The following ARSB variants were observed in gnomAD, a reference collection of about 807,000 sequenced individuals.
ARSB encodes the protein N-acetylgalactosamine-4-sulfatase.
In ARSB, 41 loss-of-function variants were observed where a neutral mutation model predicts 50.9. The observed-to-expected ratio is 0.81, with a 90% confidence interval of 0.63 to 1.04. ARSB has a LOEUF of 1.04. Ranked by LOEUF, ARSB falls within the 50% of genes least tolerant of loss-of-function variation. ARSB has a pLI of 0.00. For missense variants in ARSB, 672 were observed against 693.3 expected (o/e 0.97, Z 0.35); for synonymous variants, 269 against 284.8 (o/e 0.94, Z 0.56).
At chr5:78,862,756 G>C (rs12656053) in intron 5 of ARSB, among the ~76,000 whole-genome samples, 18,984 of 152,092 alleles carry the variant, frequency 0.12, 1,464 homozygotes, top group Non-Finnish European at 0.17. Flanking sequence ...AGACAAATGG[G>C]ATCTAATTAA....
intron 6 of ARSB, among the ~76,000 whole-genome samples, chr5:78,829,264 T>C (rs1383580995): frequency 6.6e-6 from 1 of 152,264 alleles, no homozygotes; most frequent in Non-Finnish European, 1.5e-5. Context: ...GAGTTTATGG[T>C]AATTTGTTTG....
chr5:78,935,929 CT>C (rs1750562606), intron 4 of ARSB, among the ~76,000 whole-genome samples: 1 of 102,488 alleles, frequency 9.8e-6, no homozygotes. Context: ...CTCCCCTCTC[CT>C]CCACTCCCCT....
At chr5:78,921,541 G>A (rs574266070) in intron 4 of ARSB, among the ~76,000 whole-genome samples, 23 of 152,198 alleles carry the variant, frequency 1.5e-4, no homozygotes, top group African/African-American at 5.5e-4. Flanking sequence ...TTAATTTCAC[G>A]TGTTTCTTTT....
At chr5:78,952,228 A>G (rs2112473828) in intron 4 of ARSB, among the ~76,000 whole-genome samples, 1 of 152,326 alleles carries the variant, frequency 6.6e-6, no homozygotes, top group African/African-American at 2.4e-5. Flanking sequence ...TTATACATAC[A>G]CATTTGCAAT....
At chr5:78,817,385 T>G (rs1053261548) in intron 6 of ARSB, among the ~76,000 whole-genome samples, 1 of 152,162 alleles carries the variant, frequency 6.6e-6, no homozygotes, top group Admixed American at 6.5e-5. Context: ...GGCTTCAACA[T>G]AAGCAAATAG....
chr5:78,808,243 C>T (rs1743657426), intron 6 of ARSB, among the ~76,000 whole-genome samples: 1 of 151,912 alleles, frequency 6.6e-6, no homozygotes, highest in Non-Finnish European at 1.5e-5. Flanking sequence ...CCCCCTCCTC[C>T]CCATATTATT....
chr5:78,925,549 A>C (rs77857471), intron 4 of ARSB, among the ~76,000 whole-genome samples: 2,327 of 146,234 alleles, frequency 0.016, 56 homozygotes, highest in African/African-American at 0.052. Context: ...CAGTTCTATA[A>C]ATTTTTATAA....
chr5:78,789,751 A>G (rs922893152), intron 6 of ARSB, among the ~76,000 whole-genome samples: 2 of 152,234 alleles, frequency 1.3e-5, no homozygotes, highest in Non-Finnish European at 1.5e-5. Context: ...TTTAGCAAAC[A>G]TAATACAGAT....
At chr5:78,949,743 C>G (rs1024702091) in intron 4 of ARSB, among the ~76,000 whole-genome samples, 1 of 152,090 alleles carries the variant, frequency 6.6e-6, no homozygotes, top group Non-Finnish European at 1.5e-5. Context: ...AACCTTGTCT[C>G]TCCTAAAAAT....
Position 78,911,154 on chromosome 5 carries a change from T to C in ARSB, c.899-25327A>G, listed in dbSNP as rs190450665. On this transcript the variant is annotated intron_variant, in intron 4 of 7. Coordinates refer to ENST00000264914, the MANE Select transcript of ARSB (RefSeq NM_000046.5). ...AGAGAAAATGGATGTATTTTACCTT[T>C]GGTGAGGAGTAAATTATAAAAGGAC... Among the ~76,000 whole-genome samples, 529 of 152,234 alleles carry C rather than the reference T, an allele frequency of 3.5e-3. 2 individuals carry two copies. Among genetic ancestry groups the C allele is most frequent in the Admixed American group, 8.0e-3 (123 of 15,302 alleles).
chr5:78,814,815 A>G (rs1743931907), intron 6 of ARSB, among the ~76,000 whole-genome samples: 1 of 150,716 alleles, frequency 6.6e-6, no homozygotes, highest in Non-Finnish European at 1.5e-5. Context: ...ATGTTTGATC[A>G]AAATATAGCT....
chr5:78,874,755 T>G (rs191765569), intron 5 of ARSB, among the ~76,000 whole-genome samples: 115 of 152,320 alleles, frequency 7.5e-4, no homozygotes, highest in African/African-American at 2.5e-3. Context: ...ATACGCATTC[T>G]TTTCAATTAC....
At chr5:78,919,723 C>A (rs1274229822) in intron 4 of ARSB, among the ~76,000 whole-genome samples, 1 of 152,132 alleles carries the variant, frequency 6.6e-6, no homozygotes, top group Non-Finnish European at 1.5e-5. Flanking sequence ...GAACTCCTGA[C>A]CTCATGATCT....
chr5:78,957,551 T>C (rs547015176), intron 3 of ARSB, among the ~76,000 whole-genome samples: 9 of 152,342 alleles, frequency 5.9e-5, no homozygotes, highest in Admixed American at 2.6e-4. Flanking sequence ...GATGATAATG[T>C]AGAACCCGTA....
At chr5:78,896,874 T>TA (rs919855030) in intron 4 of ARSB, among the ~76,000 whole-genome samples, 5 of 151,752 alleles carry the variant, frequency 3.3e-5, no homozygotes, top group African/African-American at 4.8e-5. Flanking sequence ...TATGTCTAAT[T>TA]AAAAAAAATA....
At chr5:78,932,730 A>T (rs1030714199) in intron 4 of ARSB, among the ~76,000 whole-genome samples, 17 of 152,226 alleles carry the variant, frequency 1.1e-4, no homozygotes, top group Admixed American at 7.8e-4. Context: ...AAATGGGTAG[A>T]TACATGTAAA....
intron 6 of ARSB, among the ~76,000 whole-genome samples, chr5:78,808,499 G>A (rs963262580): frequency 1.3e-5 from 2 of 152,034 alleles, no homozygotes; most frequent in Non-Finnish European, 2.9e-5. Context: ...TTCTGATGAC[G>A]AGGCCTGCAT....
chr5:78,832,679 C>G (rs545699047), intron 6 of ARSB, among the ~76,000 whole-genome samples: 1 of 152,246 alleles, frequency 6.6e-6, no homozygotes, highest in Non-Finnish European at 1.5e-5. Flanking sequence ...GGGAAGAAGG[C>G]TGTTCTTTCA....
chr5:78,887,822 G>A (rs1047275817), intron 4 of ARSB, among the ~76,000 whole-genome samples: 11 of 152,142 alleles, frequency 7.2e-5, no homozygotes, highest in Non-Finnish European at 1.6e-4. Flanking sequence ...GCTCACACAT[G>A]TAGGCCACAT....
Sources: allele counts gnomAD v4.1 joint callset (sites outside exome capture counted in the v4.1 genomes callset), GRCh38; gene constraint gnomAD v4.1.1; transcripts MANE v1.5; gene names NCBI Gene and HGNC (gene_info 2026-07-23, HGNC 2026-07-21).